LURAP1L: variants seen among roughly 807,000 people sequenced by gnomAD.
The protein encoded by LURAP1L is leucine rich adaptor protein 1 like, also known as leucine rich adaptor protein 1-like.
A neutral mutation model predicts 13.8 loss-of-function variants in LURAP1L; 12 were observed. The observed-to-expected ratio is 0.87, with a 90% CI of 0.56 to 1.41. The LOEUF is 1.41. Ranked by LOEUF, LURAP1L falls within the 40% of genes most tolerant of loss-of-function variation. The probability of loss-of-function intolerance (pLI) is 0.00; values close to 1 mark genes in which losing one functional copy is unlikely to be tolerated. For synonymous variants in LURAP1L, 139 were observed against 119.2 expected (o/e 1.17, Z -1.08); for missense variants, 375 against 292.9 (o/e 1.28, Z -2.04).
intron 1 of LURAP1L, among the ~76,000 whole-genome samples, chr9:12,794,672 C>T (rs1819488659): frequency 1.3e-5 from 2 of 151,914 alleles, no homozygotes; most frequent in South Asian, 2.1e-4. Context: ...CTATAGTAAA[C>T]ATACATATTT....
intron 1 of LURAP1L, among the ~76,000 whole-genome samples, chr9:12,783,372 A>G (rs1819302127): frequency 6.6e-6 from 1 of 152,100 alleles, no homozygotes. Context: ...GTGCAGTGGT[A>G]GATTCTTTCT....
rs932480844 is a variant in LURAP1L at position 12,787,164 on chromosome 9, G to A, written c.312+11137G>A. Reference sequence around the variant, plus strand: ...TCCTCTTTCCAATTCCTATTCCCTAGAGATGATTCTATGATGTCTTGTGTA... The same window carrying A: ...TCCTCTTTCCAATTCCTATTCCCTAAAGATGATTCTATGATGTCTTGTGTA... On this transcript the variant is annotated intron_variant, in intron 1 of 1. Transcript: ENST00000319264. 2.8e-4 allele frequency among the ~76,000 whole-genome samples: 42 copies of A among 152,020 alleles called. 1 individual carries two copies. The highest frequency in any genetic ancestry group is 2.6e-3 in the Admixed American group (40 of 15,250).
intron 1 of LURAP1L, among the ~76,000 whole-genome samples, chr9:12,786,958 T>G (rs1819364525): frequency 6.6e-6 from 1 of 152,074 alleles, no homozygotes; most frequent in African/African-American, 2.4e-5. Context: ...TTTCTCTATT[T>G]TTGGTGAGCA....
intron 1 of LURAP1L, among the ~76,000 whole-genome samples, chr9:12,785,842 G>A (rs1030926154): frequency 1.3e-5 from 2 of 152,160 alleles, no homozygotes; most frequent in African/African-American, 4.8e-5. Context: ...TTGTTCACCT[G>A]ATACTTGGTT....
chr9:12,810,310 C>G (rs568593245), intron 1 of LURAP1L, among the ~76,000 whole-genome samples: 1 of 152,146 alleles, frequency 6.6e-6, no homozygotes, highest in East Asian at 1.9e-4. Flanking sequence ...AGTTAGTGTT[C>G]CTACAGAAAG....
intron 1 of LURAP1L, among the ~76,000 whole-genome samples, chr9:12,816,699 G>A (rs1026011773): frequency 1.3e-5 from 2 of 152,054 alleles, no homozygotes; most frequent in African/African-American, 4.8e-5. Flanking sequence ...TTCATCACCT[G>A]TCAAAAAAAT....
intron 1 of LURAP1L, among the ~76,000 whole-genome samples, chr9:12,785,037 A>G (rs554891781): frequency 6.6e-6 from 1 of 151,014 alleles, no homozygotes; most frequent in East Asian, 2.0e-4. Flanking sequence ...GCTACCACTG[A>G]TGTTTACTCA....
intron 1 of LURAP1L, among the ~76,000 whole-genome samples, chr9:12,820,139 G>GGGAC (rs1403261570): frequency 1.3e-5 from 2 of 152,128 alleles, no homozygotes; most frequent in Admixed American, 1.3e-4. Flanking sequence ...AGTAAACTGT[G>GGGAC]GGACCTGCAA....
At position 12,821,556 on chromosome 9, in the gene LURAP1L, T is replaced by C; in HGVS notation, c.483T>C (p.Arg161=). ...TGGAGAGTCAGAGCACCTCCTTACG[T>C]GGCAGCTACAACAGCCTACACGATG... ...SLLESQSTSL[R]GSYNSLHDGS... The change falls in exon 2 of 2, where the codon CGT becomes CGC. Residue 161 remains arginine (R), a synonymous_variant. Coordinates refer to ENST00000319264, the MANE Select transcript of LURAP1L (RefSeq NM_203403.2). The C allele has an allele frequency of 1.2e-6, 2 of 1,614,130 alleles. No individual in the cohort carries two copies. The highest frequency in any genetic ancestry group is 1.7e-6 in the Non-Finnish European group (2 of 1,180,026).
At chr9:12,791,840 G>A (rs1053361479) in intron 1 of LURAP1L, among the ~76,000 whole-genome samples, 5 of 151,870 alleles carry the variant, frequency 3.3e-5, no homozygotes, top group South Asian at 2.1e-4. Flanking sequence ...GTTGTCCTTC[G>A]TCCATCGTGT....
chr9:12,814,643 C>T (rs928871110), intron 1 of LURAP1L, among the ~76,000 whole-genome samples: 2 of 152,238 alleles, frequency 1.3e-5, no homozygotes, highest in African/African-American at 4.8e-5. Context: ...GGCCTGGTGG[C>T]CGGAATTTAT....
chr9:12,776,947 T>C (rs1026830061), intron 1 of LURAP1L, among the ~76,000 whole-genome samples: 1 of 151,860 alleles, frequency 6.6e-6, no homozygotes, highest in African/African-American at 2.4e-5. Flanking sequence ...AAATGATCCC[T>C]CCCTAAGTCC....
At chr9:12,779,429 C>G (rs1819238990) in intron 1 of LURAP1L, among the ~76,000 whole-genome samples, 1 of 151,954 alleles carries the variant, frequency 6.6e-6, no homozygotes, top group African/African-American at 2.4e-5. Context: ...CACCTGCAAC[C>G]ACGCCCGGCT....
chr9:12,805,214 T>A (rs1182447550), intron 1 of LURAP1L, among the ~76,000 whole-genome samples: 5 of 152,146 alleles, frequency 3.3e-5, no homozygotes, highest in Admixed American at 3.3e-4. Flanking sequence ...GAACATTCAT[T>A]ATATTAGAGA....
At chr9:12,790,351 G>A (rs1327855105) in intron 1 of LURAP1L, among the ~76,000 whole-genome samples, 2 of 151,962 alleles carry the variant, frequency 1.3e-5, no homozygotes, top group African/African-American at 2.4e-5. Flanking sequence ...AATTATTGAG[G>A]GACTAAGCAT....
At chr9:12,803,039 A>G (rs1278848904) in intron 1 of LURAP1L, among the ~76,000 whole-genome samples, 2 of 152,038 alleles carry the variant, frequency 1.3e-5, no homozygotes, top group Admixed American at 6.5e-5. Flanking sequence ...ATTACCACAT[A>G]CTGTCTGTAC....
At chr9:12,821,256 C>G (rs1284317258) in intron 1 of LURAP1L, 130 bp from the exon 2 acceptor site, 9 of 1,101,300 alleles carry the variant, frequency 8.2e-6, no homozygotes, top group East Asian at 7.1e-5. Context: ...AAGTTCCTGA[C>G]AACCAGTCCA....
chr9:12,820,819 G>T (rs1205791423), intron 1 of LURAP1L, among the ~76,000 whole-genome samples: 1 of 152,002 alleles, frequency 6.6e-6, no homozygotes, highest in Admixed American at 6.6e-5. Flanking sequence ...CTTTTCTATA[G>T]ATTTATCTTT....
chr9:12,776,447 TG>T (rs1238065486), intron 1 of LURAP1L, among the ~76,000 whole-genome samples: 2 of 152,232 alleles, frequency 1.3e-5, no homozygotes, highest in East Asian at 3.9e-4. Context: ...ATGCACTTAC[TG>T]CAAAAATACT....
Sources: gnomAD v4.1 joint callset for allele counts (sites outside exome capture counted in the v4.1 genomes callset) on GRCh38, gnomAD v4.1.1 for gene constraint, MANE v1.5 for transcripts, NCBI Gene and HGNC (gene_info 2026-07-23, HGNC 2026-07-21) for gene names.